Variants in TLK2 observed in about 807,000 individuals in gnomAD.
The protein encoded by TLK2 is tousled like kinase 2.
In TLK2, 6 loss-of-function variants were observed where a neutral mutation model predicts 117.3. That is an observed-to-expected ratio of 0.05 (90% confidence interval 0.03 to 0.10). The LOEUF (loss-of-function observed/expected upper bound fraction) is 0.10, where lower values mean the gene tolerates loss of function less well. TLK2 is among the 10% of genes least tolerant of loss of function. The pLI is 1.00. For missense variants in TLK2, 299 were observed against 901.2 expected (o/e 0.33, Z 8.56); for synonymous variants, 257 against 316.7 (o/e 0.81, Z 2.00).
intron 2 of TLK2, among the ~76,000 whole-genome samples, chr17:62,512,536 A>G (rs2075234625): frequency 6.6e-6 from 1 of 152,106 alleles, no homozygotes; most frequent in East Asian, 1.9e-4. Flanking sequence ...TAAAATGTCT[A>G]TTCATATTTT....
intron 16 of TLK2, among the ~76,000 whole-genome samples, chr17:62,591,734 C>G (rs935653510): frequency 2.0e-5 from 3 of 152,148 alleles, no homozygotes; most frequent in African/African-American, 7.2e-5. Flanking sequence ...TCCCCACTTC[C>G]CCTAATTTTT....
At chr17:62,570,980 G>A (rs2080240189) in intron 11 of TLK2, among the ~76,000 whole-genome samples, 1 of 152,144 alleles carries the variant, frequency 6.6e-6, no homozygotes, top group Non-Finnish European at 1.5e-5. Context: ...TTATCTGTAG[G>A]GAGTTCAGAG....
rs551050782 is a variant in TLK2, at chr17:62,533,870, A to G, written c.364-2300A>G. ...TTATTTTTTCTTCTTGTAATTTTTT[A>G]TATATGATAAAAGGTAGGAATCTTC... On this transcript the variant is annotated intron_variant, in intron 6 of 21. Transcript: ENST00000346027. Among the ~76,000 whole-genome samples, 4 of 152,318 alleles carry G rather than the reference A, an allele frequency of 2.6e-5. No individual in the cohort carries two copies. The South Asian group carries it at 8.3e-4, about 32-fold the overall frequency.
At chr17:62,551,432 G>A (rs2078446640) in intron 7 of TLK2, among the ~76,000 whole-genome samples, 1 of 152,106 alleles carries the variant, frequency 6.6e-6, no homozygotes, top group Non-Finnish European at 1.5e-5. Flanking sequence ...TAGGCTAGGT[G>A]TGGTGGCTCA....
chr17:62,479,674 G>A (rs958800427), intron 1 of TLK2, among the ~76,000 whole-genome samples: 4 of 152,204 alleles, frequency 2.6e-5, no homozygotes, highest in Non-Finnish European at 4.4e-5. Flanking sequence ...AGGCCCCATC[G>A]CTCCTGCTTC....
chr17:62,545,721 A>G (rs903736029), intron 7 of TLK2, among the ~76,000 whole-genome samples: 2 of 152,104 alleles, frequency 1.3e-5, no homozygotes, highest in Non-Finnish European at 2.9e-5. Flanking sequence ...TTGTTTAAAG[A>G]CAGGGTCTCA....
chr17:62,520,442 C>G (rs1010154937), intron 2 of TLK2, among the ~76,000 whole-genome samples: 3 of 150,488 alleles, frequency 2.0e-5, no homozygotes, highest in Non-Finnish European at 4.4e-5. Flanking sequence ...TTTGGGAGGT[C>G]GAGACAGGCA....
At chr17:62,576,966 C>T (rs369158508) in intron 13 of TLK2, among the ~76,000 whole-genome samples, 191 bp downstream of exon 13, 18 of 115,930 alleles carry the variant, frequency 1.6e-4, no homozygotes, top group South Asian at 3.2e-4. Context: ...CTTTCTTCTT[C>T]TTTTTTTTTT....
chr17:62,536,146 G>C, intron 6 of TLK2, 24 bp from the exon 7 acceptor site: 2 of 1,603,966 alleles, frequency 1.2e-6, no homozygotes, highest in Admixed American at 1.7e-5. Context: ...CATGTCATTT[G>C]TGTGTTTCTT....
chr17:62,517,551 C>T (rs1269813105), intron 2 of TLK2, among the ~76,000 whole-genome samples: 2 of 152,162 alleles, frequency 1.3e-5, no homozygotes, highest in Non-Finnish European at 2.9e-5. Context: ...CCCGCCACTG[C>T]ACCCAGCTAA....
intron 19 of TLK2, 96 bp downstream of exon 19, chr17:62,602,276 A>G: frequency 7.5e-7 from 1 of 1,338,910 alleles, no homozygotes; most frequent in East Asian, 2.5e-5. Flanking sequence ...GCTATCTGCT[A>G]GGCAAAAATG....
intron 19 of TLK2, among the ~76,000 whole-genome samples, chr17:62,603,523 G>A (rs1206227624): frequency 2.0e-5 from 3 of 151,554 alleles, no homozygotes; most frequent in Non-Finnish European, 4.4e-5. Context: ...CTTTGTGTTT[G>A]ATCTTTTTTT....
At chr17:62,590,524 T>C (rs1380137096) in intron 16 of TLK2, among the ~76,000 whole-genome samples, 1 of 152,256 alleles carries the variant, frequency 6.6e-6, no homozygotes, top group Non-Finnish European at 1.5e-5. Context: ...GCAAGTGTGC[T>C]GGCAGAAAGG....
chr17:62,536,261 T>A lies in TLK2; in HGVS notation c.455T>A (p.Val152Glu). 6.2e-7 allele frequency: 1 copy of A among 1,613,520 alleles called. No homozygotes were observed. Among genetic ancestry groups the A allele is most frequent in the Non-Finnish European group, 8.5e-7 (1 of 1,179,798 alleles). Residue 152 changes from valine to glutamate, a missense_variant, in exon 7 of 22, where the codon GTG becomes GAG. Coordinates refer to ENST00000346027, the MANE Select transcript of TLK2 (RefSeq NM_006852.6). ...EQSALPTLMS[V>E]MLAKPRLDTE... ...TCTGCTCTGCCAACCCTCATGTCAG[T>A]GATGCTAGCAAAACCTCGGCTTGAC...
intron 20 of TLK2, among the ~76,000 whole-genome samples, 170 bp from the exon 21 acceptor site, chr17:62,607,871 C>G (rs1490248082): frequency 6.6e-6 from 1 of 152,194 alleles, no homozygotes; most frequent in Non-Finnish European, 1.5e-5. Context: ...TCTGAGCTCT[C>G]AACCCCTTTT....
chr17:62,570,571 CTT>C (rs983205737), intron 11 of TLK2, among the ~76,000 whole-genome samples: 10 of 152,156 alleles, frequency 6.6e-5, no homozygotes, highest in African/African-American at 2.4e-4. Flanking sequence ...GATAGACTCT[CTT>C]TATTCTTTTC....
intron 19 of TLK2, among the ~76,000 whole-genome samples, chr17:62,605,791 G>A (rs1198022346): frequency 2.0e-5 from 3 of 152,018 alleles, no homozygotes; most frequent in Admixed American, 1.3e-4. Context: ...GATCACTTGA[G>A]TCCAGGAGTT....
intron 19 of TLK2, among the ~76,000 whole-genome samples, chr17:62,603,210 A>G (rs1199541462): frequency 1.3e-5 from 2 of 152,216 alleles, no homozygotes; most frequent in Admixed American, 6.5e-5. Flanking sequence ...TGGCGTTCAC[A>G]ACACAGCATC....
At chr17:62,565,272 G>A in intron 11 of TLK2, 135 bp downstream of exon 11, 1 of 1,107,404 alleles carries the variant, frequency 9.0e-7, no homozygotes, top group South Asian at 1.7e-5. Context: ...ACCACATGTG[G>A]AAAGAAATGT....
Sources: allele counts gnomAD v4.1 joint callset (sites outside exome capture counted in the v4.1 genomes callset), GRCh38; gene constraint gnomAD v4.1.1; transcripts MANE v1.5; gene names NCBI Gene and HGNC (gene_info 2026-07-23, HGNC 2026-07-21).